The following SYNJ1 variants were observed in gnomAD, a reference collection of about 807,000 sequenced individuals.
The protein encoded by SYNJ1 is polyphosphatidylinositol phosphatase SYNJ1.
In SYNJ1, 78 loss-of-function variants were observed where a neutral mutation model predicts 168.2. That is an observed-to-expected ratio of 0.46 (90% CI 0.39 to 0.56). SYNJ1 has a LOEUF of 0.56. Ranked by LOEUF, SYNJ1 falls within the 20% of genes least tolerant of loss-of-function variation. The pLI is 0.00. For synonymous variants in SYNJ1, 539 were observed against 548.6 expected (o/e 0.98, Z 0.24); for missense variants, 1,303 against 1,597.6 (o/e 0.82, Z 3.14).
intron 32 of SYNJ1, 71 bp downstream of exon 32, chr21:32,634,790 A>ATCTCT: frequency 4.6e-6 from 7 of 1,520,574 alleles, no homozygotes; most frequent in Non-Finnish European, 5.5e-6. Context: ...AGATGTATGA[A>ATCTCT]GCAGAGATTC....
In SYNJ1 at chr21:32,723,653, C is replaced by CA. The variant is rs528269022; in HGVS notation, c.124+3118dup. On this transcript the variant is annotated intron_variant, in intron 2 of 32. Coordinates refer to ENST00000674351, the MANE Select transcript of SYNJ1 (RefSeq NM_203446.3). ...GCAACATGAGGAAGCCCCCTATCTA[C>CA]AAAAAAATACGAAAAAAATTATCTG... Among the ~76,000 whole-genome samples, 827 of 152,022 alleles carry CA rather than the reference C, an allele frequency of 5.4e-3. 3 individuals are homozygous for CA. Among genetic ancestry groups the CA allele is most frequent in the Admixed American group, 9.0e-3 (137 of 15,272 alleles).
intron 18 of SYNJ1, among the ~76,000 whole-genome samples, chr21:32,658,802 G>A (rs903855623): frequency 7.2e-5 from 11 of 152,308 alleles, no homozygotes; most frequent in East Asian, 1.9e-4. Flanking sequence ...AGCAGAGTTC[G>A]CCCCGCCAGT....
chr21:32,647,161 T>G (rs2040107042), intron 23 of SYNJ1, among the ~76,000 whole-genome samples: 1 of 152,186 alleles, frequency 6.6e-6, no homozygotes, highest in Non-Finnish European at 1.5e-5. Context: ...AGGTAACCCT[T>G]GCAACCTAAC....
chr21:32,633,691 C>T (rs1420704115), intron 32 of SYNJ1, among the ~76,000 whole-genome samples: 1 of 152,160 alleles, frequency 6.6e-6, no homozygotes, highest in Non-Finnish European at 1.5e-5. Flanking sequence ...TACTATGAAA[C>T]ACTTAGTTAC....
chr21:32,657,097 C>T lies in SYNJ1; in HGVS notation c.2485G>A (p.Ala829Thr). 1 of 1,612,860 alleles carries T rather than the reference C, an allele frequency of 6.2e-7. No individual in the cohort carries two copies. The highest frequency in any genetic ancestry group is 8.5e-7 in the Non-Finnish European group (1 of 1,178,938). ...RSAEDLDLLN[A>T]SFQDESKILY... Reference sequence around the variant, plus strand: ...ATTTTGCTTTCATCTTGAAAACTAGCATTTAGAAGATCTAGATCTTCAGCT... The same window carrying T: ...ATTTTGCTTTCATCTTGAAAACTAGTATTTAGAAGATCTAGATCTTCAGCT... The change falls in exon 20 of 33, where the codon GCT becomes ACT. Residue 829 changes from alanine to threonine, a missense_variant. Transcript: ENST00000674351.
At chr21:32,726,650 T>C in intron 2 of SYNJ1, 122 bp downstream of exon 2, 1 of 1,278,544 alleles carries the variant, frequency 7.8e-7, no homozygotes, top group Non-Finnish European at 1.1e-6. Flanking sequence ...AATACAAGCA[T>C]AATCTGCTAG....
Position 32,645,635 on chromosome 21 carries a change from A to C in SYNJ1, c.3391+11T>G. ...TTACATCTAGCAGAAATGGAAATAA[A>C]AGGTTGTCACCTGAAGGCGGAGGAG... On this transcript the variant is annotated intron_variant, in intron 25 of 32. Transcript: ENST00000674351. 6.6e-7 allele frequency: 1 copy of C among 1,522,830 alleles called. No individual in the cohort carries two copies. Among genetic ancestry groups the C allele is most frequent in the Non-Finnish European group, 8.8e-7 (1 of 1,142,822 alleles). 94.3% of individuals were successfully genotyped at this position (1,522,830 alleles called of 1,614,324 possible).
chr21:32,659,126 C>T (rs1227252793), intron 18 of SYNJ1, among the ~76,000 whole-genome samples: 2 of 150,892 alleles, frequency 1.3e-5, no homozygotes, highest in Non-Finnish European at 2.9e-5. Flanking sequence ...AAATTCTTCC[C>T]AAATTTTGTG....
chr21:32,665,009 A>G lies in SYNJ1; in HGVS notation c.2208T>C (p.Asp736=), dbSNP rs2040868128. The G allele has an allele frequency of 6.2e-7, 1 of 1,613,396 alleles. No homozygotes were observed. Among genetic ancestry groups the G allele is most frequent in the Admixed American group, 1.7e-5 (1 of 59,960 alleles). ...GCTCTTTAACTTCTTCGTTAGGGAG[A>G]TCGATTCGATAGTTGAAATCACCAC... is the stretch of plus-strand genomic sequence containing the variant. ...FWCGDFNYRI[D]LPNEEVKELI... The change falls in exon 18 of 33, where the codon GAT becomes GAC. Residue 736 remains aspartate (D), a synonymous_variant. Coordinates refer to ENST00000674351, the MANE Select transcript of SYNJ1 (RefSeq NM_203446.3).
chr21:32,650,515 T>C (rs2040236343), intron 22 of SYNJ1, among the ~76,000 whole-genome samples, 169 bp from the exon 23 acceptor site: 1 of 152,198 alleles, frequency 6.6e-6, no homozygotes, highest in Non-Finnish European at 1.5e-5. Flanking sequence ...TTCAAACTAG[T>C]TTAAAGGTTG....
rs1601403774 is a variant in SYNJ1, at chr21:32,681,623, A to G, written c.1226T>C (p.Leu409Pro). 10 of 1,613,776 alleles carry G rather than the reference A, an allele frequency of 6.2e-6. No homozygotes were observed. The East Asian group carries it at 2.2e-4, about 36-fold the overall frequency. The change falls in exon 11 of 33, where the codon CTT (leucine) becomes CCT (proline). Residue 409 changes from leucine to proline, a missense_variant. This residue lies in a region of SYNJ1 where 920 missense variants were observed against 1,208.8 expected (regional missense o/e 0.76). Coordinates refer to ENST00000674351, the MANE Select transcript of SYNJ1 (RefSeq NM_203446.3). ...LEMLAKQLEA[L>P]GLAEKPQLVT... ...CAACTGAGGCTTTTCAGCTAAACCA[A>G]GAGCTTCCAACTGTTTAGCTAGCAT...
intron 2 of SYNJ1, among the ~76,000 whole-genome samples, chr21:32,722,900 A>G (rs2043300517): frequency 6.6e-6 from 1 of 152,210 alleles, no homozygotes; most frequent in South Asian, 2.1e-4. Flanking sequence ...AACAGCACCA[A>G]AATTCTGGAA....
chr21:32,699,576 C>A (rs1367825905), intron 4 of SYNJ1, among the ~76,000 whole-genome samples: 1 of 152,130 alleles, frequency 6.6e-6, no homozygotes, highest in Non-Finnish European at 1.5e-5. Flanking sequence ...GCATTCTTTC[C>A]AACACGTATA....
chr21:32,657,165 G>A, intron 19 of SYNJ1, 45 bp from the exon 20 acceptor site: 1 of 1,327,582 alleles, frequency 7.5e-7, no homozygotes, highest in South Asian at 1.2e-5. Flanking sequence ...TGTATAAGCA[G>A]GACAGATCGT....
chr21:32,640,110 A>C (rs1212269621), intron 29 of SYNJ1, among the ~76,000 whole-genome samples: 1 of 152,150 alleles, frequency 6.6e-6, no homozygotes, highest in East Asian at 1.9e-4. Flanking sequence ...ACTTGCCCAA[A>C]GCCACACAGA....
At chr21:32,678,948 G>A (rs1024163314) in intron 11 of SYNJ1, 147 bp from the exon 12 acceptor site, 3 of 1,066,110 alleles carry the variant, frequency 2.8e-6, no homozygotes, top group Non-Finnish European at 3.9e-6. Context: ...ATATAGTCAT[G>A]ACAATTAAAA....
At chr21:32,682,106 T>G (rs1187645806) in intron 10 of SYNJ1, among the ~76,000 whole-genome samples, 1 of 152,042 alleles carries the variant, frequency 6.6e-6, no homozygotes, top group African/African-American at 2.4e-5. Context: ...TGTCACAAAA[T>G]AAAGAAAATA....
At position 32,631,007 on chromosome 21, in the gene SYNJ1, A is replaced by C. The variant is rs1007414965; in HGVS notation, c.*798T>G. 6.2e-7 allele frequency: 1 copy of C among 1,611,750 alleles called. No homozygotes were observed. Among genetic ancestry groups the C allele is most frequent in the East Asian group, 2.2e-5 (1 of 44,830 alleles). ...CTATTGCATGGCGTTATCTTTCTGT[A>C]AAGTCCAGTGTGGGTGAAGCCTTAG... is the stretch of plus-strand genomic sequence containing the variant. On this transcript the variant is annotated 3_prime_UTR_variant, in exon 33 of 33. Coordinates refer to ENST00000674351, the MANE Select transcript of SYNJ1 (RefSeq NM_203446.3).
chr21:32,666,660 A>C lies in SYNJ1; in HGVS notation c.1812-87T>G. 1.5e-6 allele frequency: 2 copies of C among 1,371,658 alleles called. 1 individual carries two copies. 85.0% of individuals were successfully genotyped at this position (1,371,658 alleles called of 1,614,324 possible). A position where few individuals can be genotyped will look rare whatever the true frequency, so the allele number is the denominator to read the frequency against. On this transcript the variant is annotated intron_variant, in intron 15 of 32. Coordinates refer to ENST00000674351, the MANE Select transcript of SYNJ1 (RefSeq NM_203446.3). ...ACAATTGTCAATTATACCTTTATCT[A>C]CCCAAATATCCTAAGACTCTGAAGG... is the stretch of plus-strand genomic sequence containing the variant.
Sources: gnomAD v4.1 joint callset for allele counts (sites outside exome capture counted in the v4.1 genomes callset) on GRCh38, gnomAD v4.1.1 for gene constraint, gnomAD v4.1.1 regional missense constraint, MANE v1.5 for transcripts, NCBI Gene and HGNC (gene_info 2026-07-23, HGNC 2026-07-21) for gene names.